Variants in UBE2O observed in about 807,000 individuals in gnomAD.
The protein encoded by UBE2O is ubiquitin conjugating enzyme E2 O, also known as (E3-independent) E2 ubiquitin-conjugating enzyme.
Under a neutral mutation model 125.8 loss-of-function variants are expected in UBE2O, and 15 were observed. The ratio of observed to expected loss-of-function variants is 0.12; its 90% CI spans 0.08 to 0.18. The LOEUF (loss-of-function observed/expected upper bound fraction) is 0.18. Among genes scored for constraint, UBE2O ranks in the 10% least tolerant of loss-of-function variants. The pLI, the probability that UBE2O is intolerant of heterozygous loss-of-function variation, is 1.00. For synonymous variants in UBE2O, 708 were observed against 703.2 expected (o/e 1.01, Z -0.11); for missense variants, 1,280 against 1,723.6 (o/e 0.74, Z 4.56).
intron 1 of UBE2O, among the ~76,000 whole-genome samples, chr17:76,426,728 C>T (rs1021105180): frequency 2.0e-5 from 3 of 152,126 alleles, no homozygotes; most frequent in Admixed American, 2.0e-4. Context: ...CACTGATTTC[C>T]ATTTTTTGTT....
At chr17:76,445,935 C>T (rs1240970158) in intron 1 of UBE2O, among the ~76,000 whole-genome samples, 3 of 152,286 alleles carry the variant, frequency 2.0e-5, no homozygotes, top group Admixed American at 6.5e-5. Context: ...TAGACCATGA[C>T]CTTCTCCAGG....
intron 1 of UBE2O, among the ~76,000 whole-genome samples, chr17:76,451,779 GGTGT>G (rs71280850): frequency 2.9e-5 from 4 of 137,348 alleles, no homozygotes; most frequent in Non-Finnish European, 4.6e-5. Flanking sequence ...GATACAGGGG[GGTGT>G]GTGTGTGTGT....
At chr17:76,451,007 G>C (rs919104918) in intron 1 of UBE2O, among the ~76,000 whole-genome samples, 25 of 152,194 alleles carry the variant, frequency 1.6e-4, no homozygotes, top group African/African-American at 5.5e-4. Context: ...GAGCATAACT[G>C]CAAACAAAGT....
chr17:76,390,768 G>T lies in UBE2O; in HGVS notation c.*175C>A, dbSNP rs956279058. 2.7e-5 allele frequency: 15 copies of T among 558,730 alleles called. No homozygotes were observed. The highest frequency in any genetic ancestry group is 4.1e-5 in the Non-Finnish European group (14 of 338,598). 34.6% of individuals were successfully genotyped at this position (558,730 alleles called of 1,614,324 possible). A position where few individuals can be genotyped will look rare whatever the true frequency, so the allele number is the denominator to read the frequency against. ...TGAAAGCTCGCTTCAAAATAGAAAC[G>T]GCAGCATCTCAACACACTTCTTGCA... On this transcript the variant is annotated 3_prime_UTR_variant, in exon 18 of 18. Transcript: ENST00000319380.
At position 76,401,158 on chromosome 17, in the gene UBE2O, C is replaced by T. The variant is rs376889823; in HGVS notation, c.751-4G>A. 7.6e-5 allele frequency: 122 copies of T among 1,612,766 alleles called. No individual in the cohort carries two copies. Among genetic ancestry groups the T allele is most frequent in the Non-Finnish European group, 8.2e-5 (97 of 1,179,584 alleles). On this transcript the variant is annotated splice_region_variant and splice_polypyrimidine_tract_variant and intron_variant, in intron 5 of 17. Coordinates refer to ENST00000319380, the MANE Select transcript of UBE2O (RefSeq NM_022066.4). ...AGGAATCATCGAAGAAGAGACCCTG[C>T]GGGATGTGGGGCCAAAGGAAAGTCC...
chr17:76,447,778 C>T (rs946234537), intron 1 of UBE2O, among the ~76,000 whole-genome samples: 5 of 152,192 alleles, frequency 3.3e-5, no homozygotes, highest in African/African-American at 1.2e-4. Flanking sequence ...TCCCCACAAC[C>T]CGCCTCGTGC....
At chr17:76,424,512 T>C (rs1286513674) in intron 1 of UBE2O, among the ~76,000 whole-genome samples, 1 of 151,976 alleles carries the variant, frequency 6.6e-6, no homozygotes, top group African/African-American at 2.4e-5. Flanking sequence ...CCCAGCCCAC[T>C]AGTATTTTTT....
At chr17:76,397,977 C>A in intron 12 of UBE2O, 89 bp from the exon 13 acceptor site, 1 of 1,411,072 alleles carries the variant, frequency 7.1e-7, no homozygotes, top group Admixed American at 1.7e-5. Flanking sequence ...TGACATCATG[C>A]CCACCTGGCT....
Position 76,399,317 on chromosome 17 carries a change from G to GTGGTCGCC in UBE2O, c.1628+131_1628+132insGGCGACCA. 1 of 963,404 alleles carries GTGGTCGCC rather than the reference G, an allele frequency of 1.0e-6. No individual in the cohort carries two copies. The highest frequency in any genetic ancestry group is 1.6e-6 in the Non-Finnish European group (1 of 643,676). The allele number at this position is 963,404 out of a possible 1,614,324, so 59.7% of individuals were successfully genotyped here. A position where few individuals can be genotyped will look rare whatever the true frequency, so the allele number is the denominator to read the frequency against. The stretch of plus-strand genomic sequence containing the variant: ...TACCCCAGGCACCTACGTTGTCTCG[G>GTGGTCGCC]GTGGGAGCCCCGGAGCCACTACAAG... On this transcript the variant is annotated intron_variant, in intron 9 of 17. Transcript: ENST00000319380. This position sits in a 1 kb window ranked among gnomAD's most constrained non-coding sequence, Gnocchi z 6.9.
intron 15 of UBE2O, among the ~76,000 whole-genome samples, chr17:76,392,782 G>C (rs1326238997): frequency 6.6e-6 from 1 of 151,700 alleles, no homozygotes; most frequent in Non-Finnish European, 1.5e-5. Context: ...GTGAAACCCC[G>C]TCTCTACTAA....
chr17:76,453,108 G>A lies in UBE2O; in HGVS notation c.34C>T (p.Pro12Ser), dbSNP rs1005495817. 7.9e-6 allele frequency: 7 copies of A among 887,530 alleles called. No individual in the cohort carries two copies. The highest frequency in any genetic ancestry group is 1.1e-5 in the Non-Finnish European group (7 of 648,490). The allele number at this position is 887,530 out of a possible 1,614,324, so 55.0% of individuals were successfully genotyped here. ...GGAGCCGGGGCCTGGGCTGGAGCGG[G>A]AGCTGCGGGCGTGGGGGCTGCGGGA... ...ADPAAPTPAA[P>S]APAQAPAPAP... The change falls in exon 1 of 18, where the codon CCC becomes TCC. Residue 12 changes from proline (P) to serine (S), a missense_variant. Pro to Ser is a moderately conservative substitution (Grantham distance 74, BLOSUM62 -1). Around this residue, in one of 10 missense-constraint regions of UBE2O, gnomAD observed 188 missense variants for 192.5 expected, o/e 0.98. Coordinates refer to ENST00000319380, the MANE Select transcript of UBE2O (RefSeq NM_022066.4).
chr17:76,425,298 G>C (rs1464167088), intron 1 of UBE2O, among the ~76,000 whole-genome samples: 1 of 147,528 alleles, frequency 6.8e-6, no homozygotes, highest in African/African-American at 2.5e-5. Flanking sequence ...GGACCTACTT[G>C]GCTCATATTG....
chr17:76,422,472 T>G (rs952487359), intron 1 of UBE2O, among the ~76,000 whole-genome samples: 1 of 152,192 alleles, frequency 6.6e-6, no homozygotes, highest in Admixed American at 6.5e-5. Context: ...CCTCGCCCAT[T>G]CAGCAAACTG....
At position 76,452,593 on chromosome 17, in the gene UBE2O, T is replaced by TG. The variant is rs1156871387; in HGVS notation, c.417+131dup. 1 of 839,952 alleles carries TG rather than the reference T, an allele frequency of 1.2e-6. No homozygotes were observed. The highest frequency in any genetic ancestry group is 4.4e-5 in the Admixed American group (1 of 22,716). The allele number at this position is 839,952 out of a possible 1,614,324, so 52.0% of individuals were successfully genotyped here. On this transcript the variant is annotated intron_variant, in intron 1 of 17. Transcript: ENST00000319380. This position sits in a 1 kb window ranked among gnomAD's most constrained non-coding sequence, Gnocchi z 4.4. ...ACTTTGCATGGAGTGTACCCTCCAC[T>TG]GGGGCTGTCCTCCCGCGTCGGCCAC...
chr17:76,399,112 G>T lies in UBE2O; in HGVS notation c.1629-121C>A. The T allele has an allele frequency of 7.5e-7, 1 of 1,340,382 alleles. No individual in the cohort carries two copies. The highest frequency in any genetic ancestry group is 1.0e-6 in the Non-Finnish European group (1 of 996,748). 83.0% of individuals were successfully genotyped at this position (1,340,382 alleles called of 1,614,324 possible). On this transcript the variant is annotated intron_variant, in intron 9 of 17. Transcript: ENST00000319380. The surrounding 1 kb of genome is among the most constrained non-coding windows in gnomAD (Gnocchi z 6.9). The stretch of plus-strand genomic sequence containing the variant: ...GGTAACCTGAAACTCTGAATCCCAG[G>T]TTGGCAGGATGAGTCTCTGGTGCAC...
In UBE2O at chr17:76,402,002, A is replaced by T. The variant is rs1381612368; in HGVS notation, c.750+62T>A. 4 of 1,562,520 alleles carry T rather than the reference A, an allele frequency of 2.6e-6. No homozygotes were observed. Among genetic ancestry groups the T allele is most frequent in the African/African-American group, 2.7e-5 (2 of 73,540 alleles). On this transcript the variant is annotated intron_variant, in intron 5 of 17. Transcript: ENST00000319380. This position sits in a 1 kb window ranked among gnomAD's most constrained non-coding sequence, Gnocchi z 5.4. ...AGCTGGGTCCAGGTCTTTGCTACGA[A>T]GTCCTCCTTCCAGAGGACTGAGCAA...
chr17:76,392,805 T>C (rs1318786631), intron 15 of UBE2O, among the ~76,000 whole-genome samples: 1 of 151,842 alleles, frequency 6.6e-6, no homozygotes, highest in Non-Finnish European at 1.5e-5. Context: ...ATACAAAAAT[T>C]AGCCAGGCGT....
chr17:76,413,062 T>C (rs2072543904), intron 1 of UBE2O, among the ~76,000 whole-genome samples: 2 of 152,188 alleles, frequency 1.3e-5, no homozygotes, highest in Non-Finnish European at 2.9e-5. Flanking sequence ...AACTCAGTTT[T>C]GCGGGGGTGG....
At position 76,396,548 on chromosome 17, in the gene UBE2O, C is replaced by A. The variant is rs759874059; in HGVS notation, c.2389G>T (p.Gly797Trp). 1 of 1,611,966 alleles carries A rather than the reference C, an allele frequency of 6.2e-7. No individual in the cohort carries two copies. Among genetic ancestry groups the A allele is most frequent in the Non-Finnish European group, 8.5e-7 (1 of 1,179,306 alleles). The change falls in exon 14 of 18, where the codon GGG becomes TGG. Residue 797 changes from glycine to tryptophan, a missense_variant. This residue lies in a region of UBE2O where 210 missense variants were observed against 268.9 expected (regional missense o/e 0.78). Transcript: ENST00000319380. The surrounding 1 kb of genome is among the most constrained non-coding windows in gnomAD (Gnocchi z 6.7). ...TCCTTGCCAGCCTTCTCCATCAGCC[C>A]GGCCATGGGGGCAGCCATGGCCACA... ...GAVAMAAPMA[G>W]LMEKAGKDGP... is the part of the protein sequence containing the mutation.
Sources: allele counts gnomAD v4.1 joint callset (sites outside exome capture counted in the v4.1 genomes callset), GRCh38; gene constraint gnomAD v4.1.1; regional missense constraint gnomAD v4.1.1; non-coding constraint Gnocchi (gnomAD v3.1); transcripts MANE v1.5; gene names NCBI Gene and HGNC (gene_info 2026-07-23, HGNC 2026-07-21).